AHCY: variants seen among roughly 807,000 people sequenced by gnomAD.
AHCY encodes the protein S-adenosyl-L-homocysteine hydrolase.
AHCY carries 24 observed loss-of-function variants against 45.4 expected under a neutral mutation model. The ratio of observed to expected loss-of-function variants is 0.53; its 90% confidence interval spans 0.38 to 0.74. AHCY has a LOEUF of 0.74. Among genes scored for constraint, AHCY ranks in the 30% least tolerant of loss-of-function variants. AHCY has a pLI of 0.00. For missense variants in AHCY, 449 were observed against 594.1 expected (o/e 0.76, Z 2.54); for synonymous variants, 245 against 235.1 (o/e 1.04, Z -0.39).
chr20:34,253,077 A>C, the AHCY span, among the ~76,000 whole-genome samples: 11 of 151,962 alleles, frequency 7.2e-5, no homozygotes, highest in Non-Finnish European at 1.6e-4. Context: ...TTTTCTACAT[A>C]GACACAGTAA....
At chr20:34,276,233 A>G (rs926527471), downstream of AHCY, among the ~76,000 whole-genome samples, 7 of 152,366 alleles carry the variant, frequency 4.6e-5, no homozygotes, top group African/African-American at 1.4e-4. Context: ...AATGCACACT[A>G]TAAGGCCTCA....
intron 1 of AHCY, among the ~76,000 whole-genome samples, chr20:34,299,260 C>T (rs1157114612): frequency 6.6e-6 from 1 of 152,124 alleles, no homozygotes; most frequent in African/African-American, 2.4e-5. Flanking sequence ...TTCCATACTC[C>T]ACTAAAACTG....
chr20:34,263,636 C>T, the AHCY span, among the ~76,000 whole-genome samples: 1 of 151,760 alleles, frequency 6.6e-6, no homozygotes, highest in East Asian at 1.9e-4. Context: ...CTCATGGGTC[C>T]ACTTATACAT....
the AHCY span, chr20:34,250,230 C>CTAG: frequency 1.3e-5 from 2 of 152,336 alleles, no homozygotes; most frequent in Non-Finnish European, 2.9e-5. Flanking sequence ...GCTGCCTTGA[C>CTAG]TAGTGCCACT....
chr20:34,257,064 C>CTCTTT, the AHCY span, among the ~76,000 whole-genome samples: 63 of 125,638 alleles, frequency 5.0e-4, no homozygotes, highest in East Asian at 1.3e-3. Flanking sequence ...CTCTCTCTTT[C>CTCTTT]TTTCTCTTTT....
chr20:34,238,626 T>C, the AHCY span, among the ~76,000 whole-genome samples: 1 of 152,168 alleles, frequency 6.6e-6, no homozygotes, highest in East Asian at 1.9e-4. Flanking sequence ...TGTTTTAATA[T>C]ATTTGTCTAG....
At chr20:34,266,336 C>T in the AHCY span, among the ~76,000 whole-genome samples, 2 of 148,592 alleles carry the variant, frequency 1.3e-5, no homozygotes, top group African/African-American at 2.5e-5. Context: ...GGTGACAGAG[C>T]GAGACTCCGT....
the AHCY span, among the ~76,000 whole-genome samples, chr20:34,264,386 T>C: frequency 7.7e-4 from 117 of 152,314 alleles, 1 homozygote; most frequent in Middle Eastern, 6.8e-3. Flanking sequence ...ACAAGGAGTC[T>C]CACCAGGAAA....
chr20:34,268,878 A>T, the AHCY span: 1 of 1,366,196 alleles, frequency 7.3e-7, no homozygotes, highest in South Asian at 1.3e-5. Context: ...TGGGCAAGCC[A>T]GCGGGGAAAC....
chr20:34,298,611 G>A lies in AHCY; in HGVS notation c.29-3026C>T, dbSNP rs993712163. On this transcript the variant is annotated intron_variant, in intron 1 of 9. Coordinates refer to ENST00000217426, the MANE Select transcript of AHCY (RefSeq NM_000687.4). ...GACTGGGAAGTGGCGGCGGCGGGAGGGGGGGGGGTGTCTCCCTTTCCCCAG... is the reference window on the plus strand; with the variant it reads ...GACTGGGAAGTGGCGGCGGCGGGAGAGGGGGGGGTGTCTCCCTTTCCCCAG... 5.4e-4 allele frequency among the ~76,000 whole-genome samples: 66 copies of A among 121,394 alleles called. 6 individuals are homozygous for A. The highest frequency in any genetic ancestry group is 8.8e-4 in the Non-Finnish European group (59 of 66,676). The allele number at this position is 121,394 out of a possible 152,430, so 79.6% of individuals were successfully genotyped here.
the AHCY span, chr20:34,269,176 A>C: frequency 6.7e-7 from 1 of 1,495,716 alleles, no homozygotes; most frequent in African/African-American, 1.5e-5. Flanking sequence ...GAGCGCCCCC[A>C]CTCCCGGCCG....
upstream of AHCY, among the ~76,000 whole-genome samples, chr20:34,305,498 C>T (rs1601692782): frequency 1.3e-5 from 2 of 152,092 alleles, no homozygotes; most frequent in South Asian, 2.1e-4. Context: ...AGGGTCCTCA[C>T]GCATCCCTTT....
upstream of AHCY, among the ~76,000 whole-genome samples, chr20:34,305,804 C>A (rs1394804028): frequency 6.6e-6 from 1 of 151,956 alleles, no homozygotes; most frequent in Non-Finnish European, 1.5e-5. Context: ...ATTTACGGAC[C>A]AGGCGCAGTG....
At chr20:34,280,075 G>A (rs955953729), downstream of AHCY, among the ~76,000 whole-genome samples, 2 of 152,118 alleles carry the variant, frequency 1.3e-5, no homozygotes, top group African/African-American at 4.8e-5. Flanking sequence ...CTGGGTGACG[G>A]AGCGAGACTC....
At chr20:34,269,218 C>G in the AHCY span, 2 of 1,437,612 alleles carry the variant, frequency 1.4e-6, no homozygotes, top group Admixed American at 5.3e-5. Flanking sequence ...ACGCGGGGCG[C>G]TTCTCGGGCG....
At chr20:34,308,512 T>C (rs1048570197) in intron 1 of AHCY, among the ~76,000 whole-genome samples, 7 of 152,174 alleles carry the variant, frequency 4.6e-5, no homozygotes, top group Non-Finnish European at 7.4e-5. Context: ...ATTATGCCAC[T>C]GCACTCCAGA....
rs746288986 is a variant in AHCY, at chr20:34,290,335, C to T, written c.969G>A (p.Pro323=). Residue 323 remains proline, a synonymous_variant, in exon 8 of 10, where the codon CCG becomes CCA. Coordinates refer to ENST00000217426, the MANE Select transcript of AHCY (RefSeq NM_000687.4). The surrounding 1 kb of genome is among the most constrained non-coding windows in gnomAD (Gnocchi z 4.5). ...TGGCAAGGCGGGAGCTTCTCACCTG[C>T]GGCTTGATGTTCACCTTCTCCACGG... ...ENAVEKVNIK[P]QVDRYRLKNG... 112 of 1,613,840 alleles carry T rather than the reference C, an allele frequency of 6.9e-5. No individual in the cohort carries two copies. The highest frequency in any genetic ancestry group is 8.9e-5 in the Non-Finnish European group (105 of 1,180,014).
At chr20:34,275,463 A>C (rs954860975), downstream of AHCY, among the ~76,000 whole-genome samples, 11 of 151,790 alleles carry the variant, frequency 7.2e-5, no homozygotes, top group Non-Finnish European at 1.3e-4. Context: ...GTTTTTCTAT[A>C]ACCTGGTGTC....
the AHCY span, among the ~76,000 whole-genome samples, chr20:34,232,871 T>C: frequency 1.3e-5 from 2 of 152,340 alleles, no homozygotes; most frequent in East Asian, 3.9e-4. Context: ...GGCAGCCTGA[T>C]GACAGTGTGC....
Sources: allele counts gnomAD v4.1 joint callset (sites outside exome capture counted in the v4.1 genomes callset), GRCh38; gene constraint gnomAD v4.1.1; non-coding constraint Gnocchi (gnomAD v3.1); transcripts MANE v1.5; gene names NCBI Gene and HGNC (gene_info 2026-07-23, HGNC 2026-07-21).